JAK1: variants seen among roughly 807,000 people sequenced by gnomAD.
JAK1 encodes the protein Janus kinase 1.
JAK1 carries 16 observed loss-of-function variants against 136.6 expected under a neutral mutation model. The observed-to-expected ratio is 0.12, with a 90% CI of 0.08 to 0.18. The LOEUF (loss-of-function observed/expected upper bound fraction) is 0.18. Ranked by LOEUF, JAK1 falls within the 10% of genes least tolerant of loss-of-function variation. JAK1 has a pLI of 1.00. For missense variants in JAK1, 859 were observed against 1,450.1 expected (o/e 0.59, Z 6.62); for synonymous variants, 492 against 519.5 (o/e 0.95, Z 0.72).
chr1:65,067,322 C>T (rs1163005226), intron 1 of JAK1, among the ~76,000 whole-genome samples: 2 of 149,942 alleles, frequency 1.3e-5, no homozygotes, highest in Non-Finnish European at 3.0e-5. Context: ...GCGGGCCGAG[C>T]CCCACGGCTG....
At chr1:64,916,988 T>A (rs534665469) in intron 1 of JAK1, among the ~76,000 whole-genome samples, 13 of 151,526 alleles carry the variant, frequency 8.6e-5, no homozygotes, top group African/African-American at 2.9e-4. Context: ...GGGGAGAAAA[T>A]CATCAGCAAA....
chr1:64,957,060 C>T (rs2100608042), intron 1 of JAK1, among the ~76,000 whole-genome samples: 1 of 152,232 alleles, frequency 6.6e-6, no homozygotes, highest in Non-Finnish European at 1.5e-5. Flanking sequence ...GCAAGAAGGT[C>T]ACTGGTGACC....
intron 2 of JAK1, among the ~76,000 whole-genome samples, chr1:65,041,826 T>C (rs1012387329): frequency 4.6e-5 from 7 of 151,918 alleles, no homozygotes; most frequent in Non-Finnish European, 1.0e-4. Context: ...ATCACCTGAG[T>C]TCAGGAGTTC....
intron 6 of JAK1, among the ~76,000 whole-genome samples, chr1:64,868,758 T>G (rs1656877936): frequency 6.6e-6 from 1 of 152,228 alleles, no homozygotes. Context: ...CTATTGGATG[T>G]CATAGATGGA....
At chr1:64,946,283 C>T (rs762473391) in intron 1 of JAK1, among the ~76,000 whole-genome samples, 1 of 152,142 alleles carries the variant, frequency 6.6e-6, no homozygotes, top group African/African-American at 2.4e-5. Flanking sequence ...TGACCACCTA[C>T]CACTGGCTAT....
chr1:65,056,057 C>A (rs1647521132), intron 1 of JAK1, among the ~76,000 whole-genome samples: 1 of 152,196 alleles, frequency 6.6e-6, no homozygotes, highest in Non-Finnish European at 1.5e-5. Context: ...CCTGCTCAAA[C>A]ACTAAACATA....
At chr1:64,955,817 C>T (rs916710575) in intron 1 of JAK1, among the ~76,000 whole-genome samples, 4 of 152,022 alleles carry the variant, frequency 2.6e-5, no homozygotes, top group East Asian at 1.9e-4. Context: ...GTGCTGAATA[C>T]GAATACCAGG....
chr1:65,043,329 C>G (rs1263060963), intron 2 of JAK1, among the ~76,000 whole-genome samples: 1 of 152,052 alleles, frequency 6.6e-6, no homozygotes. Flanking sequence ...GGAAGTGGCA[C>G]CTACTTTCAA....
Position 64,844,821 on chromosome 1 carries a change from G to A in JAK1, c.2184C>T (p.Asp728=). The change falls in exon 16 of 25, where the codon GAC becomes GAT. Residue 728 remains aspartate (D), a synonymous_variant. Coordinates refer to ENST00000342505, the MANE Select transcript of JAK1 (RefSeq NM_002227.4). The surrounding 1 kb of genome is among the most constrained non-coding windows in gnomAD (Gnocchi z 5.7). Reference sequence around the variant, plus strand: ...GCTTGATGAATGGGCCACACTCACTGTCGATGCCCTCACGGGCCAGGAGGA... The same window carrying A: ...GCTTGATGAATGGGCCACACTCACTATCGATGCCCTCACGGGCCAGGAGGA... ...KNLLLAREGI[D]SECGPFIKLS... 6.2e-7 allele frequency: 1 copy of A among 1,614,218 alleles called. No individual in the cohort carries two copies. Among genetic ancestry groups the A allele is most frequent in the Non-Finnish European group, 8.5e-7 (1 of 1,180,020 alleles).
At chr1:64,999,873 A>C (rs769989284) in intron 2 of JAK1, among the ~76,000 whole-genome samples, 1 of 152,084 alleles carries the variant, frequency 6.6e-6, no homozygotes, top group Non-Finnish European at 1.5e-5. Flanking sequence ...TCTGTGCTAT[A>C]ATGTATCCAT....
intron 2 of JAK1, among the ~76,000 whole-genome samples, chr1:65,025,826 T>C (rs541069683): frequency 2.7e-4 from 41 of 152,210 alleles, no homozygotes; most frequent in African/African-American, 9.4e-4. Flanking sequence ...TATAGGTGCA[T>C]ACCACCATGC....
Position 65,019,565 on chromosome 1 carries a change from T to C in JAK1, c.-78+24915A>G, listed in dbSNP as rs760701631. ...AATAAAAGGAAACTTTTAAGTGAAA[T>C]AGGGTACCTACAGAAAATCTGTAGC... On this transcript the variant is annotated intron_variant, in intron 2 of 25. Transcript: ENST00000671954. Among the ~76,000 whole-genome samples, 15 of 149,462 alleles carry C rather than the reference T, an allele frequency of 1.0e-4. No homozygotes were observed. In the Admixed American group the frequency reaches 1.0e-3, roughly 10 times the overall value.
upstream of JAK1, among the ~76,000 whole-genome samples, chr1:64,967,961 A>G (rs1031925038): frequency 1.3e-5 from 2 of 152,180 alleles, no homozygotes; most frequent in Non-Finnish European, 2.9e-5. Flanking sequence ...TCACCTGTTA[A>G]ATAGGGATAA....
intron 1 of JAK1, among the ~76,000 whole-genome samples, chr1:65,054,841 T>C (rs1647458639): frequency 6.6e-6 from 1 of 152,286 alleles, no homozygotes; most frequent in Non-Finnish European, 1.5e-5. Context: ...CCTGGAAACA[T>C]GTGTAAAGGA....
At chr1:64,837,477 C>G (rs554989157) in intron 22 of JAK1, among the ~76,000 whole-genome samples, 1 of 152,290 alleles carries the variant, frequency 6.6e-6, no homozygotes, top group African/African-American at 2.4e-5. Context: ...TCTGGTGATT[C>G]ATGAGACAGC....
intron 2 of JAK1, among the ~76,000 whole-genome samples, chr1:64,998,642 G>A (rs923711188): frequency 6.6e-6 from 1 of 152,166 alleles, no homozygotes; most frequent in African/African-American, 2.4e-5. Context: ...GTCATGGGAG[G>A]AACCCAGTGA....
At chr1:64,986,238 T>G (rs987698179) in intron 2 of JAK1, among the ~76,000 whole-genome samples, 3 of 151,912 alleles carry the variant, frequency 2.0e-5, no homozygotes, top group African/African-American at 7.3e-5. Context: ...CCCAAATAGC[T>G]GGCATTATAG....
intron 1 of JAK1, among the ~76,000 whole-genome samples, chr1:64,900,206 G>A (rs1645083267): frequency 6.6e-6 from 1 of 152,180 alleles, no homozygotes; most frequent in Admixed American, 6.5e-5. Flanking sequence ...ATTAAGAGAT[G>A]TGACAAGGCA....
rs367935313 is a variant in JAK1, at chr1:64,845,488, A to G, written c.2115+25T>C. 5 of 1,613,768 alleles carry G rather than the reference A, an allele frequency of 3.1e-6. No individual in the cohort carries two copies. The African/African-American group carries it at 6.7e-5, about 22-fold the overall frequency. On this transcript the variant is annotated intron_variant, in intron 15 of 24. Transcript: ENST00000342505. ...GGACACTCTGGTTTCTGGTGGGACC[A>G]TTATGGACATCAGGACATTCTCACC...
Sources: gnomAD v4.1 joint callset for allele counts (sites outside exome capture counted in the v4.1 genomes callset) on GRCh38, gnomAD v4.1.1 for gene constraint, Gnocchi (gnomAD v3.1) non-coding constraint, MANE v1.5 for transcripts, NCBI Gene and HGNC (gene_info 2026-07-23, HGNC 2026-07-21) for gene names.